HNMT: variants seen among roughly 807,000 people sequenced by gnomAD.
HNMT encodes histamine N-methyltransferase.
Under a neutral mutation model 32.1 loss-of-function variants are expected in HNMT, and 30 were observed. The observed-to-expected ratio is 0.93, with a 90% CI of 0.70 to 1.27. The LOEUF is 1.27. HNMT is among the 50% of genes most tolerant of loss of function. The probability of loss-of-function intolerance (pLI) is 0.00; values close to 1 mark genes in which losing one functional copy is unlikely to be tolerated. For missense variants in HNMT, 327 were observed against 346.0 expected, an observed-to-expected ratio of 0.95 and a Z score of 0.43; for synonymous variants, 125 against 119.0, an observed-to-expected ratio of 1.05 and a Z score of -0.33.
rs190191414 is a variant in HNMT, at chr2:138,002,855, G to T, written c.429+661G>T. On this transcript the variant is annotated intron_variant, in intron 4 of 5. Transcript: ENST00000280097. ...GGTTTGGGTGGACCAATGTCCCAGA[G>T]TGTTTCTGTAGTGGACATATGGTCG... 392 of 809,056 alleles carry T rather than the reference G, an allele frequency of 4.8e-4. 3 individuals carry two copies. The African/African-American group carries it at 6.7e-3, about 14-fold the overall frequency. 50.1% of individuals were successfully genotyped at this position (809,056 alleles called of 1,614,324 possible). A position where few individuals can be genotyped will look rare whatever the true frequency, so the allele number is the denominator to read the frequency against.
chr2:138,008,474 G>C (rs1487303599), intron 5 of HNMT, among the ~76,000 whole-genome samples: 2 of 151,954 alleles, frequency 1.3e-5, no homozygotes, highest in Non-Finnish European at 1.5e-5. Context: ...CTTTATGACA[G>C]AATGATTAAT....
chr2:138,010,161 A>G (rs1681450768), intron 5 of HNMT, among the ~76,000 whole-genome samples: 1 of 152,050 alleles, frequency 6.6e-6, no homozygotes, highest in Non-Finnish European at 1.5e-5. Flanking sequence ...CATGGTATAT[A>G]GGGAGGCATA....
At position 137,983,340 on chromosome 2, in the gene HNMT, A is replaced by G. The variant is rs576225588; in HGVS notation, c.190+13123A>G. On this transcript the variant is annotated intron_variant, in intron 2 of 5. Transcript: ENST00000280097. ...TGTTTGCCCTGAAGAATTCCATTAT[A>G]CCATTGTTGTAATTTATTGCACTTA... Among the ~76,000 whole-genome samples the G allele has an allele frequency of 5.8e-4, 88 of 152,204 alleles. 1 individual carries two copies. The highest frequency in any genetic ancestry group is 2.1e-3 in the African/African-American group (86 of 41,510).
intron 4 of HNMT, chr2:138,002,879 C>T (rs912612577): frequency 6.9e-5 from 38 of 549,110 alleles, no homozygotes; most frequent in East Asian, 4.4e-4. Context: ...GACATATGGT[C>T]GAAGGGGCAG....
intron 2 of HNMT, among the ~76,000 whole-genome samples, chr2:137,987,384 C>T (rs1316973610): frequency 6.6e-6 from 1 of 152,126 alleles, no homozygotes; most frequent in Non-Finnish European, 1.5e-5. Context: ...AAGTAGATTG[C>T]TGCTTCCACA....
At chr2:137,984,846 AT>A (rs1196664841) in intron 2 of HNMT, among the ~76,000 whole-genome samples, 1 of 152,150 alleles carries the variant, frequency 6.6e-6, no homozygotes, top group Non-Finnish European at 1.5e-5. Flanking sequence ...ATATTTTCCC[AT>A]TTTGTAGATG....
At chr2:137,997,142 G>A (rs1285450043) in intron 2 of HNMT, among the ~76,000 whole-genome samples, 2 of 152,162 alleles carry the variant, frequency 1.3e-5, no homozygotes, top group East Asian at 3.8e-4. Context: ...AATGCCAAAA[G>A]CAATTGCAAC....
At chr2:137,990,960 A>G (rs1173101477) in intron 2 of HNMT, among the ~76,000 whole-genome samples, 1 of 152,190 alleles carries the variant, frequency 6.6e-6, no homozygotes, top group Non-Finnish European at 1.5e-5. Context: ...TTCAGACACC[A>G]GTTGCAAGTT....
At chr2:137,968,151 G>T (rs554007255) in intron 1 of HNMT, among the ~76,000 whole-genome samples, 1 of 152,108 alleles carries the variant, frequency 6.6e-6, no homozygotes, top group Non-Finnish European at 1.5e-5. Context: ...CTATTTGAGG[G>T]TAGATGGTGG....
chr2:137,991,675 C>T (rs1338714802), intron 2 of HNMT: 1 of 152,034 alleles, frequency 6.6e-6, no homozygotes, highest in Non-Finnish European at 1.5e-5. Flanking sequence ...CATATACACA[C>T]ATTTCTATAA....
At chr2:137,971,293 C>T (rs2104927265) in intron 2 of HNMT, among the ~76,000 whole-genome samples, 2 of 152,202 alleles carry the variant, frequency 1.3e-5, no homozygotes, top group Middle Eastern at 6.8e-3. Context: ...AATTCTCCTC[C>T]CTCAGCATCC....
intron 2 of HNMT, among the ~76,000 whole-genome samples, chr2:137,998,645 C>T (rs181535759): frequency 7.9e-5 from 12 of 152,258 alleles, no homozygotes; most frequent in African/African-American, 2.9e-4. Flanking sequence ...GTGATTCTAG[C>T]ATTGTGTCCT....
intron 2 of HNMT, among the ~76,000 whole-genome samples, chr2:137,989,562 T>C (rs1210987654): frequency 1.3e-5 from 2 of 152,250 alleles, no homozygotes; most frequent in African/African-American, 4.8e-5. Flanking sequence ...TAAACATCTA[T>C]GTGCAGATTT....
chr2:137,979,729 C>T (rs539842322), intron 2 of HNMT, among the ~76,000 whole-genome samples: 1 of 152,074 alleles, frequency 6.6e-6, no homozygotes, highest in Admixed American at 6.5e-5. Flanking sequence ...ATAATAATCT[C>T]ACCTAGATAG....
chr2:138,001,408 G>T lies in HNMT; in HGVS notation c.298+383G>T, dbSNP rs187404493. On this transcript the variant is annotated intron_variant, in intron 3 of 5. Transcript: ENST00000280097. ...CCAAATAGTAAATATTTTAGATTCA[G>T]AAGGTCAATTCAGTCTCTGCCATAA... Among the ~76,000 whole-genome samples, 7 of 152,294 alleles carry T rather than the reference G, an allele frequency of 4.6e-5. No homozygotes were observed. The South Asian group carries it at 1.2e-3, about 27-fold the overall frequency.
At chr2:137,979,552 A>G (rs1300060680) in intron 2 of HNMT, among the ~76,000 whole-genome samples, 6 of 152,030 alleles carry the variant, frequency 3.9e-5, no homozygotes, top group Admixed American at 1.3e-4. Context: ...ACGCCCGGCC[A>G]TACTTTTATT....
Position 137,999,254 on chromosome 2 carries a change from A to G in HNMT, c.191-1664A>G, listed in dbSNP as rs371183041. ...ATGTTCCAGGTAAAAAGCCTAGCAC[A>G]GTGTTTGGCAAATAGTAGGTGGCCA... On this transcript the variant is annotated intron_variant, in intron 2 of 5. Transcript: ENST00000280097. Among the ~76,000 whole-genome samples, 6 of 152,182 alleles carry G rather than the reference A, an allele frequency of 3.9e-5. No individual in the cohort carries two copies. The East Asian group carries it at 1.2e-3, about 29-fold the overall frequency.
chr2:138,002,500 T>G (rs748901509), intron 4 of HNMT: 7 of 377,732 alleles, frequency 1.9e-5, no homozygotes, highest in Non-Finnish European at 2.6e-5. Flanking sequence ...CAGGCTGGAG[T>G]GCGGTGGCAT....
At chr2:138,012,099 C>T (rs13034382) in intron 5 of HNMT, among the ~76,000 whole-genome samples, 32,439 of 151,988 alleles carry the variant, frequency 0.21, 3,760 homozygotes, top group South Asian at 0.3. Flanking sequence ...CTCAAGAATG[C>T]AATCAGTGGA....
Sources: allele counts gnomAD v4.1 joint callset (sites outside exome capture counted in the v4.1 genomes callset), GRCh38; gene constraint gnomAD v4.1.1; transcripts MANE v1.5; gene names NCBI Gene and HGNC (gene_info 2026-07-23, HGNC 2026-07-21).